The following RUNX2 variants were observed in gnomAD, a reference collection of about 807,000 sequenced individuals.
The protein encoded by RUNX2 is RUNX family transcription factor 2, also known as runt-related transcription factor 2.
Under a neutral mutation model 51.7 loss-of-function variants are expected in RUNX2, and 10 were observed. That is an observed-to-expected ratio of 0.19 (90% CI 0.12 to 0.33). The LOEUF (loss-of-function observed/expected upper bound fraction) is 0.33. Ranked by LOEUF, RUNX2 falls within the 10% of genes least tolerant of loss-of-function variation. RUNX2 has a pLI of 1.00. For missense variants in RUNX2, 562 were observed against 691.3 expected, an observed-to-expected ratio of 0.81 and a Z score of 2.10; for synonymous variants, 276 against 273.6, an observed-to-expected ratio of 1.01 and a Z score of -0.09.
intron 6 of RUNX2, among the ~76,000 whole-genome samples, chr6:45,501,138 C>T (rs1472974045): frequency 6.6e-6 from 1 of 152,232 alleles, no homozygotes; most frequent in Non-Finnish European, 1.5e-5. Flanking sequence ...GTCCTGTCTT[C>T]TCCAGTGCTC....
intron 2 of RUNX2, among the ~76,000 whole-genome samples, chr6:45,411,763 A>G (rs893907090): frequency 6.6e-6 from 1 of 152,208 alleles, no homozygotes; most frequent in African/African-American, 2.4e-5. Context: ...AGTTATGGGC[A>G]CACTATAATA....
chr6:45,483,706 G>A (rs767084693), intron 5 of RUNX2, among the ~76,000 whole-genome samples: 1 of 152,180 alleles, frequency 6.6e-6, no homozygotes, highest in Non-Finnish European at 1.5e-5. Flanking sequence ...GGATCATCAA[G>A]GCTCTCGAGA....
chr6:45,522,901 C>T (rs990562444), intron 7 of RUNX2, among the ~76,000 whole-genome samples: 1 of 152,130 alleles, frequency 6.6e-6, no homozygotes, highest in African/African-American at 2.4e-5. Context: ...TTCTGTTTAC[C>T]TTTATTTCAT....
At chr6:45,527,735 T>C (rs1432967926) in intron 7 of RUNX2, among the ~76,000 whole-genome samples, 1 of 152,186 alleles carries the variant, frequency 6.6e-6, no homozygotes, top group South Asian at 2.1e-4. Flanking sequence ...AATGTTTTGT[T>C]TGACTGAAAA....
At chr6:45,391,549 T>C (rs1047304119) in intron 2 of RUNX2, among the ~76,000 whole-genome samples, 2 of 152,200 alleles carry the variant, frequency 1.3e-5, no homozygotes, top group African/African-American at 4.8e-5. Flanking sequence ...TATTAGTCTG[T>C]TTCCACACTG....
At chr6:45,542,869 T>C (rs1802274221) in intron 7 of RUNX2, among the ~76,000 whole-genome samples, 1 of 152,204 alleles carries the variant, frequency 6.6e-6, no homozygotes, top group African/African-American at 2.4e-5. Context: ...TTTTGTGATA[T>C]TGAGTAAATG....
chr6:45,463,388 T>C (rs1227617606), intron 5 of RUNX2, among the ~76,000 whole-genome samples: 1 of 152,234 alleles, frequency 6.6e-6, no homozygotes, highest in East Asian at 1.9e-4. Context: ...GTGGACCATA[T>C]GCTAAATAGA....
At chr6:45,461,655 C>G (rs1008039733) in intron 5 of RUNX2, among the ~76,000 whole-genome samples, 2 of 152,074 alleles carry the variant, frequency 1.3e-5, no homozygotes, top group Admixed American at 1.3e-4. Flanking sequence ...CTAGTCTGGG[C>G]ACTCTTCTAA....
chr6:45,531,714 C>T lies in RUNX2; in HGVS notation c.1022-13503C>T, dbSNP rs568974838. Among the ~76,000 whole-genome samples the T allele has an allele frequency of 2.0e-5, 3 of 152,056 alleles. No individual in the cohort carries two copies. In the South Asian group the frequency reaches 6.2e-4, roughly 32 times the overall value. On this transcript the variant is annotated intron_variant, in intron 7 of 8. Transcript: ENST00000647337. ...GCTGTGGTGAGCCGAGATGGCGCCA[C>T]TGCACTCCAGTCTGGCAACAGGGTG...
Position 45,492,127 on chromosome 6 carries a change from CA to C in RUNX2, c.859+14del. The C allele has an allele frequency of 6.2e-7, 1 of 1,613,542 alleles. No homozygotes were observed. Reference sequence around the variant, plus strand: ...AGTCAGATTACAGGTAAGACAGACTCATAGGTTTCACTTGCATAGACGCTGG... The same window carrying C: ...AGTCAGATTACAGGTAAGACAGACTCTAGGTTTCACTTGCATAGACGCTGG... On this transcript the variant is annotated intron_variant, in intron 6 of 8. Transcript: ENST00000647337.
At chr6:45,420,332 G>A (rs995590651) in intron 2 of RUNX2, among the ~76,000 whole-genome samples, 33 of 152,216 alleles carry the variant, frequency 2.2e-4, no homozygotes, top group Non-Finnish European at 3.4e-4. Context: ...GCCCCTTCTA[G>A]GGCGCAGACC....
At chr6:45,523,867 G>A (rs1299488158) in intron 7 of RUNX2, among the ~76,000 whole-genome samples, 1 of 151,956 alleles carries the variant, frequency 6.6e-6, no homozygotes, top group Non-Finnish European at 1.5e-5. Context: ...GGGAGGCGGA[G>A]GTTGCAGTGA....
intron 2 of RUNX2, among the ~76,000 whole-genome samples, chr6:45,330,644 C>G (rs1464381464): frequency 6.6e-6 from 1 of 151,968 alleles, no homozygotes; most frequent in African/African-American, 2.4e-5. Flanking sequence ...GGATCTTATA[C>G]TTCTGTAACA....
chr6:45,498,964 G>A lies in RUNX2; in HGVS notation c.859+6850G>A, dbSNP rs116456298. Among the ~76,000 whole-genome samples, 1,355 of 152,278 alleles carry A rather than the reference G, an allele frequency of 8.9e-3. 18 individuals are homozygous for A. Among genetic ancestry groups the A allele is most frequent in the African/African-American group, 0.03 (1,262 of 41,546 alleles). ...GATGAAGTGGGCCTGGGGTGATGTT[G>A]GCTGTGAGTGTGAGGGTGGATGGAC... On this transcript the variant is annotated intron_variant, in intron 6 of 8. Transcript: ENST00000647337.
chr6:45,548,849 C>T lies in RUNX2; in HGVS notation c.*1544C>T, dbSNP rs1268903791. On this transcript the variant is annotated 3_prime_UTR_variant, in exon 9 of 9. Transcript: ENST00000647337. ...AACCCCAATCTGCCTTACCCAAGGCCCCACTGGCAGCTTTCCACAGAATTT... is the reference window on the plus strand; with the variant it reads ...AACCCCAATCTGCCTTACCCAAGGCTCCACTGGCAGCTTTCCACAGAATTT... 1 of 287,030 alleles carries T rather than the reference C, an allele frequency of 3.5e-6. No individual in the cohort carries two copies. Among genetic ancestry groups the T allele is most frequent in the Admixed American group, 5.3e-5 (1 of 18,982 alleles). 17.8% of individuals were successfully genotyped at this position (287,030 alleles called of 1,614,324 possible). A position where few individuals can be genotyped will look rare whatever the true frequency, so the allele number is the denominator to read the frequency against.
Position 45,547,506 on chromosome 6 carries a change from G to C in RUNX2, c.*201G>C, listed in dbSNP as rs922254847. 5.0e-6 allele frequency: 3 copies of C among 600,458 alleles called. No individual in the cohort carries two copies. The highest frequency in any genetic ancestry group is 2.8e-5 in the East Asian group (1 of 35,952). The allele number at this position is 600,458 out of a possible 1,614,324, so 37.2% of individuals were successfully genotyped here. On this transcript the variant is annotated 3_prime_UTR_variant, in exon 9 of 9. Coordinates refer to ENST00000647337, the MANE Select transcript of RUNX2 (RefSeq NM_001024630.4). ...AGATATTGAGAAGCAGAAGGCTCAA[G>C]AGAGACAATTGCAATCGAGCTTCAG...
At chr6:45,407,735 A>G (rs1797867716) in intron 2 of RUNX2, among the ~76,000 whole-genome samples, 1 of 151,944 alleles carries the variant, frequency 6.6e-6, no homozygotes, top group Non-Finnish European at 1.5e-5. Flanking sequence ...CCTGGCCTCA[A>G]GCGATTCTCC....
Position 45,422,792 on chromosome 6 carries a change from G to A in RUNX2, c.258G>A (p.Ala86=). ...AAAAAAAAAA[A]AAAVPRLRPP... ...CGGCGGCGGCGGCGGCTGCGGCGGC[G>A]GCAGCTGCAGTGCCCCGGTTGCGGC... Residue 86 remains alanine (A), a synonymous_variant, in exon 3 of 9, where the codon GCG becomes GCA. Transcript: ENST00000647337. 6.7e-7 allele frequency: 1 copy of A among 1,498,470 alleles called. No homozygotes were observed. The highest frequency in any genetic ancestry group is 8.8e-7 in the Non-Finnish European group (1 of 1,131,208). 92.8% of individuals were successfully genotyped at this position (1,498,470 alleles called of 1,614,324 possible).
At chr6:45,450,753 A>C (rs1244612745) in intron 5 of RUNX2, among the ~76,000 whole-genome samples, 2 of 152,158 alleles carry the variant, frequency 1.3e-5, no homozygotes, top group Non-Finnish European at 2.9e-5. Context: ...TTGTGTGCAA[A>C]CCTTGAACAC....
Sources: gnomAD v4.1 joint callset for allele counts (sites outside exome capture counted in the v4.1 genomes callset) on GRCh38, gnomAD v4.1.1 for gene constraint, MANE v1.5 for transcripts, NCBI Gene and HGNC (gene_info 2026-07-23, HGNC 2026-07-21) for gene names.